Variants in FGF13 observed in about 807,000 individuals in gnomAD.
The protein encoded by FGF13 is fibroblast growth factor 13.
In FGF13, 2 loss-of-function variants were observed where a neutral mutation model predicts 19.5. That is an observed-to-expected ratio of 0.10 (90% CI 0.04 to 0.32). The LOEUF is 0.32. FGF13 is among the 10% of genes least tolerant of loss of function. The pLI, the probability that FGF13 is intolerant of heterozygous loss-of-function variation, is 1.00. For missense variants in FGF13, 113 were observed against 192.7 expected (o/e 0.59, Z 2.45); for synonymous variants, 72 against 76.9 (o/e 0.94, Z 0.33).
At chrX:138,962,972 T>C (rs1371831668) in intron 1 of FGF13, among the ~76,000 whole-genome samples, 2 of 110,528 alleles carry the variant, frequency 1.8e-5, no homozygotes. Context: ...TGTGCACATG[T>C]ACCCAAGAAC....
exon 1 of FGF13, chrX:139,203,459 G>A (rs1196096383): frequency 1.9e-5 from 2 of 103,358 alleles, no homozygotes; most frequent in African/African-American, 7.2e-5. Context: ...CTGCCTTCCC[G>A]GAGGGTTGGG....
At position 138,627,154 on chromosome X, in the gene FGF13, T is replaced by A. The variant is rs1000366728; in HGVS notation, c.*5696A>T. On this transcript the variant is annotated 3_prime_UTR_variant, in exon 5 of 5. Transcript: ENST00000315930. The stretch of plus-strand genomic sequence containing the variant: ...TTCTACAAAATTGACACAGTTTCAA[T>A]CCATTTATCTTTGTGTGAATGCTTT... The A allele has an allele frequency of 9.0e-6, 1 of 111,705 alleles. No homozygotes were observed. Among genetic ancestry groups the A allele is most frequent in the Non-Finnish European group, 1.9e-5 (1 of 53,202 alleles). The allele number at this position is 111,705 out of a possible 1,213,427, so 9.2% of individuals were successfully genotyped here. A position where few individuals can be genotyped will look rare whatever the true frequency, so the allele number is the denominator to read the frequency against.
chrX:139,004,433 G>A (rs1396585136), intron 1 of FGF13, among the ~76,000 whole-genome samples: 1 of 112,571 alleles, frequency 8.9e-6, no homozygotes. Context: ...GCAAGCTGAG[G>A]GAGTGGGCTC....
intron 1 of FGF13, among the ~76,000 whole-genome samples, chrX:139,098,823 A>G (rs1428139469): frequency 8.9e-6 from 1 of 111,753 alleles, no homozygotes; most frequent in Non-Finnish European, 1.9e-5. Context: ...AGAACCCCAA[A>G]TCTCAACATC....
chrX:139,055,589 G>T (rs143833682), intron 1 of FGF13, among the ~76,000 whole-genome samples: 1,437 of 112,249 alleles, frequency 0.013, 26 homozygotes, highest in African/African-American at 0.044. Context: ...TTAATCGTCA[G>T]TCCTCTTCAG....
intron 1 of FGF13, among the ~76,000 whole-genome samples, chrX:139,049,651 G>C (rs868218036): frequency 8.9e-6 from 1 of 112,609 alleles, no homozygotes; most frequent in Non-Finnish European, 1.9e-5. Context: ...CTGGGCTTCA[G>C]AGGAAAGCTG....
intron 1 of FGF13, among the ~76,000 whole-genome samples, chrX:139,177,237 G>GTTTT (rs2084194060): frequency 6.0e-5 from 2 of 33,094 alleles, no homozygotes; most frequent in African/African-American, 6.4e-4. Flanking sequence ...TGCAACCCCT[G>GTTTT]CTTTTTTTTT....
rs2091101048 is a variant in FGF13, at chrX:138,834,985, C to A, written c.217+22527G>T. Among the ~76,000 whole-genome samples, 2 of 111,675 alleles carry A rather than the reference C, an allele frequency of 1.8e-5. 1 individual carries two copies. The highest frequency in any genetic ancestry group is 7.5e-4 in the South Asian group (2 of 2,676). On this transcript the variant is annotated intron_variant, in intron 3 of 6. Transcript: ENST00000436198. ...TATGGTTTTCAGTGAATTTCTTAGT[C>A]TTGATTTCAAATTTGATTGTGCTAT...
intron 3 of FGF13, among the ~76,000 whole-genome samples, chrX:138,775,786 T>A (rs2090583142): frequency 1.8e-5 from 2 of 112,808 alleles, no homozygotes; most frequent in Non-Finnish European, 3.7e-5. Flanking sequence ...AAGCATGACT[T>A]CTGTTTTGCA....
intron 1 of FGF13, among the ~76,000 whole-genome samples, chrX:139,194,967 G>A (rs1452730451): frequency 8.9e-6 from 1 of 111,996 alleles, no homozygotes; most frequent in Non-Finnish European, 1.9e-5. Flanking sequence ...CGCCGCTGCC[G>A]CCGCCAGGAA....
intron 3 of FGF13, among the ~76,000 whole-genome samples, chrX:138,835,967 T>C (rs1569407872): frequency 9.0e-6 from 1 of 110,571 alleles, no homozygotes; most frequent in Non-Finnish European, 1.9e-5. Flanking sequence ...TTTAAGATTG[T>C]TGAATGTTAA....
chrX:139,161,157 T>C (rs1191758588), intron 1 of FGF13, among the ~76,000 whole-genome samples: 1 of 112,061 alleles, frequency 8.9e-6, no homozygotes, highest in East Asian at 2.8e-4. Context: ...CACGATCAAG[T>C]GGGCTTCATC....
intron 1 of FGF13, among the ~76,000 whole-genome samples, chrX:139,084,318 A>G (rs2083390271): frequency 9.0e-6 from 1 of 111,503 alleles, no homozygotes; most frequent in Admixed American, 9.5e-5. Flanking sequence ...TATAACATAC[A>G]GAAGATTGCA....
intron 1 of FGF13, among the ~76,000 whole-genome samples, chrX:139,163,728 A>C (rs1283406631): frequency 9.0e-6 from 1 of 111,060 alleles, no homozygotes; most frequent in Non-Finnish European, 1.9e-5. Flanking sequence ...CACCACTACT[A>C]TCACCACCAC....
At chrX:138,680,021 C>T (rs774786673) in intron 3 of FGF13, among the ~76,000 whole-genome samples, 3 of 112,414 alleles carry the variant, frequency 2.7e-5, no homozygotes, top group East Asian at 2.8e-4. Flanking sequence ...TTCATAGCAT[C>T]GTCACCATTC....
At chrX:138,870,060 C>T (rs897245661) in intron 1 of FGF13, among the ~76,000 whole-genome samples, 1 of 112,043 alleles carries the variant, frequency 8.9e-6, no homozygotes, top group Non-Finnish European at 1.9e-5. Flanking sequence ...CTTAAAATAG[C>T]GTTTAACGAT....
chrX:138,925,271 G>A (rs1603036656), intron 1 of FGF13, among the ~76,000 whole-genome samples: 1 of 111,286 alleles, frequency 9.0e-6, no homozygotes, highest in East Asian at 2.8e-4. Flanking sequence ...AGGTCACACA[G>A]CAAGTTACGC....
intron 3 of FGF13, among the ~76,000 whole-genome samples, chrX:138,785,657 T>G (rs1272587890): frequency 8.9e-6 from 1 of 112,296 alleles, no homozygotes; most frequent in Non-Finnish European, 1.9e-5. Flanking sequence ...CATAGTTCTA[T>G]TTCTATGCCA....
rs149982394 is a variant in FGF13, at chrX:139,003,149, C to A, written c.-112-138499G>T. On this transcript the variant is annotated intron_variant, in intron 1 of 2. Transcript: ENST00000421460. ...AAGATGGCGCGTCTGGAGTCTGTCCCTTCTGATGTTCATATGTGTTCGCAG... is the reference window on the plus strand; with the variant it reads ...AAGATGGCGCGTCTGGAGTCTGTCCATTCTGATGTTCATATGTGTTCGCAG... Among the ~76,000 whole-genome samples, 1,053 of 111,155 alleles carry A rather than the reference C, an allele frequency of 9.5e-3. 10 individuals are homozygous for A. The highest frequency in any genetic ancestry group is 0.032 in the African/African-American group (976 of 30,527).
Sources: gnomAD v4.1 joint callset for allele counts (sites outside exome capture counted in the v4.1 genomes callset) on GRCh38, gnomAD v4.1.1 for gene constraint, MANE v1.5 for transcripts, NCBI Gene and HGNC (gene_info 2026-07-23, HGNC 2026-07-21) for gene names.